Variants in CTNNA3 observed in about 807,000 individuals in gnomAD.
The protein encoded by CTNNA3 is catenin alpha 3.
A neutral mutation model predicts 95.7 loss-of-function variants in CTNNA3; 76 were observed. The observed-to-expected ratio is 0.79, with a 90% confidence interval of 0.66 to 0.96. The LOEUF (loss-of-function observed/expected upper bound fraction) is 0.96. Among genes scored for constraint, CTNNA3 ranks in the 40% least tolerant of loss-of-function variants. CTNNA3 has a pLI of 0.00. For missense variants in CTNNA3, 1,191 were observed against 1,089.8 expected, an observed-to-expected ratio of 1.09 and a Z score of -1.31; for synonymous variants, 431 against 374.4, an observed-to-expected ratio of 1.15 and a Z score of -1.74.
chr10:67,744,574 A>C lies in CTNNA3; in HGVS notation c.-2+18860T>G, dbSNP rs1360991694. Among the ~76,000 whole-genome samples, 3 of 151,304 alleles carry C rather than the reference A, an allele frequency of 2.0e-5. 1 individual carries two copies. Among genetic ancestry groups the C allele is most frequent in the Non-Finnish European group, 3.0e-5 (2 of 67,732 alleles). ...CCTAGAAGAAAACTTAGGCAATACCATTCAGGACATAGGCATGGGCAAGGA... is the reference window on the plus strand; with the variant it reads ...CCTAGAAGAAAACTTAGGCAATACCCTTCAGGACATAGGCATGGGCAAGGA... On this transcript the variant is annotated intron_variant, in intron 1 of 17. Transcript: ENST00000684154.
At chr10:66,810,116 G>T (rs544671753) in intron 7 of CTNNA3, among the ~76,000 whole-genome samples, 1 of 152,026 alleles carries the variant, frequency 6.6e-6, no homozygotes, top group Admixed American at 6.6e-5. Context: ...TCATGTCTCT[G>T]TTTCTACAAT....
chr10:66,605,001 A>G lies in CTNNA3; in HGVS notation c.1374+16691T>C, dbSNP rs752702251. Reference sequence around the variant, plus strand: ...AAGTAGAATTCAGAATATGGATAGGAACAAAGATCATTAAGATGCAGGAGT... The same window carrying G: ...AAGTAGAATTCAGAATATGGATAGGGACAAAGATCATTAAGATGCAGGAGT... On this transcript the variant is annotated intron_variant, in intron 10 of 17. Coordinates refer to ENST00000433211, the MANE Select transcript of CTNNA3 (RefSeq NM_013266.4). 7.1e-4 allele frequency among the ~76,000 whole-genome samples: 108 copies of G among 152,246 alleles called. 1 individual carries two copies. Among genetic ancestry groups the G allele is most frequent in the Non-Finnish European group, 1.3e-3 (88 of 68,022 alleles).
rs150730419 is a variant in CTNNA3, at chr10:67,190,647, CTTTCT to C, written c.844-10132_844-10128del. On this transcript the variant is annotated intron_variant, in intron 6 of 17. Transcript: ENST00000433211. ...ATTTTGGAATCAAATAGACAAAATG[CTTTCT>C]TTGTTTACCAGAATGAATATAATAT... 5.9e-3 allele frequency among the ~76,000 whole-genome samples: 897 copies of C among 151,972 alleles called. 8 individuals carry two copies. The highest frequency in any genetic ancestry group is 0.021 in the African/African-American group (856 of 41,506).
intron 13 of CTNNA3, among the ~76,000 whole-genome samples, chr10:66,114,139 A>G (rs2082225160): frequency 1.3e-5 from 2 of 152,142 alleles, no homozygotes; most frequent in African/African-American, 4.8e-5. Context: ...AGTGAGGAAA[A>G]TCTCACCTTT....
chr10:67,370,529 C>T (rs1464537082), intron 5 of CTNNA3, among the ~76,000 whole-genome samples: 4 of 152,150 alleles, frequency 2.6e-5, no homozygotes, highest in African/African-American at 9.7e-5. Flanking sequence ...AGAAATCTTA[C>T]AATAGTATAG....
At chr10:67,305,378 T>TAAAAA (rs562331483) in intron 5 of CTNNA3, among the ~76,000 whole-genome samples, 1 of 105,492 alleles carries the variant, frequency 9.5e-6, no homozygotes, top group Non-Finnish European at 2.0e-5. Context: ...AAAAAAAAAT[T>TAAAAA]AAAAAAAAAA....
At chr10:66,216,471 CCTT>C (rs1251855690) in intron 13 of CTNNA3, among the ~76,000 whole-genome samples, 7 of 152,134 alleles carry the variant, frequency 4.6e-5, no homozygotes, top group African/African-American at 1.7e-4. Context: ...CTCTTAGCCT[CCTT>C]AGACTTTGGG....
chr10:67,016,539 C>T (rs973226090), intron 7 of CTNNA3, among the ~76,000 whole-genome samples: 10 of 152,114 alleles, frequency 6.6e-5, no homozygotes, highest in African/African-American at 2.4e-4. Context: ...TCTGAGGCTT[C>T]CCTTCCCTAC....
chr10:66,692,750 T>C (rs1171357663), intron 9 of CTNNA3, among the ~76,000 whole-genome samples: 3 of 152,102 alleles, frequency 2.0e-5, no homozygotes, highest in Non-Finnish European at 4.4e-5. Context: ...ACCATCAGAC[T>C]AACAGCAGAT....
chr10:66,738,073 T>C (rs1324301182), intron 9 of CTNNA3, among the ~76,000 whole-genome samples: 1 of 152,206 alleles, frequency 6.6e-6, no homozygotes, highest in East Asian at 1.9e-4. Flanking sequence ...TTCACCAGCT[T>C]TCCATGAAAC....
At chr10:66,360,160 C>G (rs1361973316) in intron 12 of CTNNA3, among the ~76,000 whole-genome samples, 3 of 151,362 alleles carry the variant, frequency 2.0e-5, no homozygotes, top group Non-Finnish European at 1.5e-5. Context: ...CATTTGAAAA[C>G]TTTTAAAGCA....
At chr10:67,435,350 T>C (rs1846267344) in intron 5 of CTNNA3, among the ~76,000 whole-genome samples, 1 of 151,990 alleles carries the variant, frequency 6.6e-6, no homozygotes, top group South Asian at 2.1e-4. Flanking sequence ...ATAAAAGCCA[T>C]CTGTGACAAA....
At position 66,767,456 on chromosome 10, in the gene CTNNA3, C is replaced by CAAAAA. The variant is rs5785782; in HGVS notation, c.1129-1045_1129-1041dup. On this transcript the variant is annotated intron_variant, in intron 8 of 17. Transcript: ENST00000433211. ...GTGAGACTCCATCCACTCCCCCCGA[C>CAAAAA]AAAAAAAAAAAAATCATAATATCCT... Among the ~76,000 whole-genome samples, 543 of 140,654 alleles carry CAAAAA rather than the reference C, an allele frequency of 3.9e-3. 4 individuals are homozygous for CAAAAA. Among genetic ancestry groups the CAAAAA allele is most frequent in the African/African-American group, 0.014 (510 of 37,646 alleles). The allele number at this position is 140,654 out of a possible 152,430, so 92.3% of individuals were successfully genotyped here.
intron 17 of CTNNA3, among the ~76,000 whole-genome samples, chr10:65,954,570 G>A (rs1416580311): frequency 1.3e-5 from 2 of 152,186 alleles, no homozygotes; most frequent in African/African-American, 4.8e-5. Context: ...TGTATAAGGT[G>A]TAAGGAAGGG....
At chr10:66,879,736 G>A (rs1844772353) in intron 7 of CTNNA3, among the ~76,000 whole-genome samples, 2 of 152,044 alleles carry the variant, frequency 1.3e-5, no homozygotes, top group African/African-American at 4.8e-5. Flanking sequence ...GAACACTCAG[G>A]AATAGATAGA....
At chr10:67,016,947 G>A (rs927450326) in intron 7 of CTNNA3, among the ~76,000 whole-genome samples, 1 of 152,000 alleles carries the variant, frequency 6.6e-6, no homozygotes, top group Non-Finnish European at 1.5e-5. Context: ...TTCAAAATAG[G>A]GGATTTCTAA....
intron 5 of CTNNA3, among the ~76,000 whole-genome samples, chr10:67,439,901 A>G (rs1236703657): frequency 1.3e-5 from 2 of 152,192 alleles, no homozygotes; most frequent in African/African-American, 4.8e-5. Context: ...GATGCAGAAT[A>G]TTCCCAGCTG....
At chr10:67,287,135 C>T (rs547637791) in intron 5 of CTNNA3, among the ~76,000 whole-genome samples, 5 of 152,092 alleles carry the variant, frequency 3.3e-5, no homozygotes, top group East Asian at 1.9e-4. Context: ...GTCAGGAGTT[C>T]GAGACCAGCC....
chr10:67,642,074 A>G (rs1839555050), intron 2 of CTNNA3, among the ~76,000 whole-genome samples: 1 of 152,198 alleles, frequency 6.6e-6, no homozygotes, highest in Admixed American at 6.5e-5. Flanking sequence ...ACCCAAAACT[A>G]TAAAAACCCT....
Sources: gnomAD v4.1 joint callset for allele counts (sites outside exome capture counted in the v4.1 genomes callset) on GRCh38, gnomAD v4.1.1 for gene constraint, MANE v1.5 for transcripts, NCBI Gene and HGNC (gene_info 2026-07-23, HGNC 2026-07-21) for gene names.